Variants in GNPNAT1 observed in about 807,000 individuals in gnomAD.
GNPNAT1 encodes the protein glucosamine 6-phosphate N-acetyltransferase.
GNPNAT1 carries 11 observed loss-of-function variants against 19.8 expected under a neutral mutation model. The ratio of observed to expected loss-of-function variants is 0.56; its 90% confidence interval spans 0.35 to 0.92. The LOEUF is 0.92. Ranked by LOEUF, GNPNAT1 falls within the 40% of genes least tolerant of loss-of-function variation. The pLI, the probability that GNPNAT1 is intolerant of heterozygous loss-of-function variation, is 0.01. For synonymous variants in GNPNAT1, 71 were observed against 72.3 expected, an observed-to-expected ratio of 0.98 and a Z score of 0.09; for missense variants, 157 against 211.0, an observed-to-expected ratio of 0.74 and a Z score of 1.59.
intron 1 of GNPNAT1, among the ~76,000 whole-genome samples, chr14:52,785,967 T>A (rs1273081673): frequency 6.7e-6 from 1 of 149,994 alleles, no homozygotes; most frequent in Non-Finnish European, 1.5e-5. Flanking sequence ...GCCAGGCTGG[T>A]CTCAAATTCC....
At chr14:52,783,218 CAGAT>C (rs749154125) in intron 3 of GNPNAT1, among the ~76,000 whole-genome samples, 3 of 152,004 alleles carry the variant, frequency 2.0e-5, no homozygotes, top group Non-Finnish European at 2.9e-5. Flanking sequence ...ATAAAGTAGT[CAGAT>C]AGTTTGCAAA....
At chr14:52,785,151 C>G (rs1002677852) in intron 1 of GNPNAT1, among the ~76,000 whole-genome samples, 34 of 151,774 alleles carry the variant, frequency 2.2e-4, no homozygotes, top group Admixed American at 2.2e-3. Flanking sequence ...TGGTCTCAAA[C>G]TCCCGACCTC....
rs1883176527 is a variant in GNPNAT1, at chr14:52,791,474, C to G, written c.-61G>C. ...CGCTCCTAGCCAGGCGCGTCGGACT[C>G]TCCCCCACCAGTGTGCACAGCACCG... On this transcript the variant is annotated 5_prime_UTR_variant, in exon 1 of 6. Transcript: ENST00000216410. This position sits in a 1 kb window ranked among gnomAD's most constrained non-coding sequence, Gnocchi z 4.1. 1.3e-5 allele frequency: 2 copies of G among 152,564 alleles called. No homozygotes were observed. Among genetic ancestry groups the G allele is most frequent in the African/African-American group, 2.4e-5 (1 of 41,450 alleles). 9.5% of individuals were successfully genotyped at this position (152,564 alleles called of 1,614,324 possible). A position where few individuals can be genotyped will look rare whatever the true frequency, so the allele number is the denominator to read the frequency against.
At chr14:52,785,387 ATTTT>A (rs1882990769) in intron 1 of GNPNAT1, among the ~76,000 whole-genome samples, 1 of 151,870 alleles carries the variant, frequency 6.6e-6, no homozygotes, top group African/African-American at 2.4e-5. Flanking sequence ...GGGGAAAAAA[ATTTT>A]TTTTAAAAAA....
At chr14:52,789,986 C>CAAA (rs200756037) in intron 1 of GNPNAT1, among the ~76,000 whole-genome samples, 12 of 107,198 alleles carry the variant, frequency 1.1e-4, no homozygotes, top group South Asian at 2.7e-4. Context: ...TCCAGAAGGA[C>CAAA]AAAAAAAAAA....
At chr14:52,790,475 T>C (rs1036119573) in intron 1 of GNPNAT1, among the ~76,000 whole-genome samples, 1 of 152,234 alleles carries the variant, frequency 6.6e-6, no homozygotes, top group African/African-American at 2.4e-5. Flanking sequence ...ACTGCATGAA[T>C]GTTCAAAAGT....
chr14:52,778,381 A>G lies in GNPNAT1; in HGVS notation c.485T>C (p.Val162Ala), dbSNP rs776495563. Residue 162 changes from valine (V) to alanine (A), a missense_variant, in exon 6 of 6, where the codon GTT (valine) becomes GCT (alanine). Coordinates refer to ENST00000216410, the MANE Select transcript of GNPNAT1 (RefSeq NM_198066.4). ...ATATCCAAACTTTTTATAGAAACCA[A>G]CATTTTGTGGTAGACATTCAAGGGT... is the stretch of plus-strand genomic sequence containing the variant. ...KITLECLPQN[V>A]GFYKKFGYTV... 2.5e-6 allele frequency: 4 copies of G among 1,608,088 alleles called. No homozygotes were observed. In the South Asian group the frequency reaches 3.3e-5, roughly 13 times the overall value.
intron 2 of GNPNAT1, among the ~76,000 whole-genome samples, chr14:52,784,168 T>C (rs1882956760): frequency 6.6e-6 from 1 of 152,200 alleles, no homozygotes; most frequent in Admixed American, 6.5e-5. Context: ...CAAGGAAAAT[T>C]ATTTCCACCT....
At chr14:52,779,627 A>G (rs944069026) in intron 5 of GNPNAT1, among the ~76,000 whole-genome samples, 5 of 144,544 alleles carry the variant, frequency 3.5e-5, no homozygotes, top group African/African-American at 1.3e-4. Context: ...GGCTGAGGCG[A>G]GAGGCTCACT....
At position 52,791,238 on chromosome 14, in the gene GNPNAT1, TC is replaced by T. The variant is rs979872152; in HGVS notation, c.-15+189del. Among the ~76,000 whole-genome samples, 2 of 151,450 alleles carry T rather than the reference TC, an allele frequency of 1.3e-5. No homozygotes were observed. The highest frequency in any genetic ancestry group is 4.9e-5 in the African/African-American group (2 of 41,150). ...GCTCCAGGCGCGCGTGCGTTCAACT[TC>T]CTGGGAACCGCGCTCCACACCATGT... On this transcript the variant is annotated intron_variant, in intron 1 of 5. Transcript: ENST00000216410. The surrounding 1 kb of genome is among the most constrained non-coding windows in gnomAD (Gnocchi z 4.1).
intron 4 of GNPNAT1, 51 bp downstream of exon 4, chr14:52,781,733 G>C (rs769779692): frequency 2.3e-5 from 35 of 1,530,732 alleles, no homozygotes; most frequent in Non-Finnish European, 3.1e-5. Context: ...GAAACTCAAA[G>C]TCAGTTGTGC....
chr14:52,781,773 G>T lies in GNPNAT1; in HGVS notation c.345+11C>A. ...AAACAGCTGTCCATTTTATTTATAA[G>T]CAGCACATACCTTAGCACAGGAATG... On this transcript the variant is annotated intron_variant, in intron 4 of 5. Transcript: ENST00000216410. The T allele has an allele frequency of 6.4e-7, 1 of 1,572,188 alleles. No homozygotes were observed. The highest frequency in any genetic ancestry group is 8.6e-7 in the Non-Finnish European group (1 of 1,166,926).
chr14:52,785,508 A>C (rs1882993573), intron 1 of GNPNAT1, among the ~76,000 whole-genome samples: 1 of 151,374 alleles, frequency 6.6e-6, no homozygotes, highest in African/African-American at 2.4e-5. Context: ...AGATCACCTG[A>C]GGTCGGGAGT....
chr14:52,778,880 T>C (rs1383327636), intron 5 of GNPNAT1, among the ~76,000 whole-genome samples: 2 of 152,032 alleles, frequency 1.3e-5, no homozygotes, highest in African/African-American at 4.8e-5. Flanking sequence ...TAGGGCATGA[T>C]GGCACATGCC....
intron 5 of GNPNAT1, among the ~76,000 whole-genome samples, chr14:52,780,428 G>GA (rs931174742): frequency 2.6e-5 from 4 of 152,120 alleles, no homozygotes; most frequent in Non-Finnish European, 4.4e-5. Flanking sequence ...CTACTAGGAC[G>GA]AGAGCATTAC....
chr14:52,787,408 C>G (rs764700494), intron 1 of GNPNAT1, among the ~76,000 whole-genome samples: 1 of 152,146 alleles, frequency 6.6e-6, no homozygotes, highest in East Asian at 1.9e-4. Flanking sequence ...AACACTTGCT[C>G]AGCACTTCTT....
intron 1 of GNPNAT1, among the ~76,000 whole-genome samples, chr14:52,786,884 TTTTTTC>T (rs1352775508): frequency 8.9e-6 from 1 of 112,824 alleles, no homozygotes. Flanking sequence ...TTTTTTTTTT[TTTTTTC>T]AGATTTGGGG....
Position 52,775,520 on chromosome 14 carries a change from C to CA in GNPNAT1, c.*2790dup, listed in dbSNP as rs1263857241. The CA allele has an allele frequency of 6.6e-6, 1 of 151,962 alleles. No homozygotes were observed. The highest frequency in any genetic ancestry group is 1.9e-4 in the East Asian group (1 of 5,194). 9.4% of individuals were successfully genotyped at this position (151,962 alleles called of 1,614,324 possible). ...TTACAGTGCATCTTAGTTGATGAAA[C>CA]AAAAATATACAAAACATGAGACACA... On this transcript the variant is annotated 3_prime_UTR_variant, in exon 6 of 6. Coordinates refer to ENST00000216410, the MANE Select transcript of GNPNAT1 (RefSeq NM_198066.4).
intron 1 of GNPNAT1, 88 bp from the exon 2 acceptor site, chr14:52,784,752 T>C: frequency 1.8e-6 from 1 of 566,296 alleles, no homozygotes; most frequent in Admixed American, 3.7e-5. Flanking sequence ...TTAATGCAAT[T>C]AGAAGCATTC....
Sources: allele counts gnomAD v4.1 joint callset (sites outside exome capture counted in the v4.1 genomes callset), GRCh38; gene constraint gnomAD v4.1.1; non-coding constraint Gnocchi (gnomAD v3.1); transcripts MANE v1.5; gene names NCBI Gene and HGNC (gene_info 2026-07-23, HGNC 2026-07-21).